CTNS: variants seen among roughly 807,000 people sequenced by gnomAD.
CTNS encodes cystinosin, lysosomal cystine transporter.
In CTNS, 27 loss-of-function variants were observed where a neutral mutation model predicts 43.7. That is an observed-to-expected ratio of 0.62 (90% CI 0.46 to 0.85). CTNS has a LOEUF of 0.85. CTNS is among the 40% of genes least tolerant of loss of function. The probability of loss-of-function intolerance (pLI) is 0.00; values close to 1 mark genes in which losing one functional copy is unlikely to be tolerated. For missense variants in CTNS, 457 were observed against 475.4 expected (o/e 0.96, Z 0.36); for synonymous variants, 187 against 190.6 (o/e 0.98, Z 0.16).
intron 4 of CTNS, chr17:3,647,726 T>C (rs748391022): frequency 4.9e-6 from 3 of 615,802 alleles, no homozygotes; most frequent in Non-Finnish European, 8.7e-6. Flanking sequence ...GAGTCCTCAC[T>C]TTCCCTGGCA....
intron 2 of CTNS, among the ~76,000 whole-genome samples, chr17:3,638,776 C>T (rs367941811): frequency 9.9e-5 from 15 of 152,096 alleles, no homozygotes; most frequent in Non-Finnish European, 1.6e-4. Context: ...GTGTGAGGAG[C>T]GGAGGGCAGC....
In CTNS at chr17:3,662,977, A is replaced by G. The variant is rs938271413; in HGVS notation, c.*2608A>G. The G allele has an allele frequency of 1.3e-5, 2 of 152,212 alleles. No individual in the cohort carries two copies. Among genetic ancestry groups the G allele is most frequent in the African/African-American group, 4.8e-5 (2 of 41,448 alleles). 9.4% of individuals were successfully genotyped at this position (152,212 alleles called of 1,614,324 possible). A position where few individuals can be genotyped will look rare whatever the true frequency, so the allele number is the denominator to read the frequency against. Reference sequence around the variant, plus strand: ...ACGGTAACCAAAGTAAGGCTTGTGCACTTGCTGAGCTTCCAGATGCGAATT... The same window carrying G: ...ACGGTAACCAAAGTAAGGCTTGTGCGCTTGCTGAGCTTCCAGATGCGAATT... On this transcript the variant is annotated 3_prime_UTR_variant, in exon 12 of 12. Transcript: ENST00000046640.
At chr17:3,646,992 C>CT (rs781211174) in intron 3 of CTNS, among the ~76,000 whole-genome samples, 8 of 152,210 alleles carry the variant, frequency 5.3e-5, no homozygotes, top group Non-Finnish European at 8.8e-5. Context: ...ATGTGTCTCT[C>CT]TGAGAGTGCA....
At chr17:3,646,085 TAG>T (rs1396664529) in intron 3 of CTNS, among the ~76,000 whole-genome samples, 4 of 151,944 alleles carry the variant, frequency 2.6e-5, no homozygotes, top group African/African-American at 9.7e-5. Flanking sequence ...CCGCCCGGCC[TAG>T]AGTCATGACC....
chr17:3,643,043 G>A (rs2075757231), intron 3 of CTNS, among the ~76,000 whole-genome samples: 1 of 151,932 alleles, frequency 6.6e-6, no homozygotes, highest in Non-Finnish European at 1.5e-5. Flanking sequence ...GGCCTGGCGC[G>A]TTGGCTCACG....
Position 3,655,050 on chromosome 17 carries a change from A to G in CTNS, c.278A>G (p.Asn93Ser), listed in dbSNP as rs779540615. The change falls in exon 6 of 12, where the codon AAT (asparagine) becomes AGT (serine). Residue 93 changes from asparagine (N) to serine (S), a missense_variant. By Grantham distance (46) the Asn-to-Ser change is conservative. Transcript: ENST00000046640. ...TCCTCTTTTCAAGTGACATCTCAAA[A>G]TGTTGGACAACTTACTGTTTATCTA... ...TNSSFQVTSQ[N>S]VGQLTVYLHG... 1.5e-5 allele frequency: 25 copies of G among 1,614,050 alleles called. No individual in the cohort carries two copies. The highest frequency in any genetic ancestry group is 6.7e-5 in the Admixed American group (4 of 60,000).
chr17:3,655,530 G>A (rs2076108735), intron 7 of CTNS, 178 bp downstream of exon 7: 1 of 893,804 alleles, frequency 1.1e-6, no homozygotes. Flanking sequence ...CCCGTGCTGG[G>A]CGTTTCATCC....
At chr17:3,657,022 G>A (rs977986376) in intron 9 of CTNS, 6 of 621,136 alleles carry the variant, frequency 9.7e-6, no homozygotes, top group East Asian at 3.1e-5. Flanking sequence ...GCTGAGAGCC[G>A]TGCACAGAGG....
intron 4 of CTNS, among the ~76,000 whole-genome samples, chr17:3,648,449 C>T (rs998269894): frequency 2.6e-5 from 4 of 152,358 alleles, no homozygotes; most frequent in African/African-American, 7.2e-5. Flanking sequence ...CAAGTCCGGA[C>T]TGCTCCCTCC....
chr17:3,660,944 C>T lies in CTNS; in HGVS notation c.*575C>T, dbSNP rs1041444937. ...GTCCGTGACTGCAGTAACAGCCAGC[C>T]CTACCCAGAGTATTTCTGAGCCATG... On this transcript the variant is annotated 3_prime_UTR_variant, in exon 12 of 12. Transcript: ENST00000046640. 41 of 703,338 alleles carry T rather than the reference C, an allele frequency of 5.8e-5. No individual in the cohort carries two copies. The African/African-American group carries it at 7.1e-4, about 12-fold the overall frequency. The allele number at this position is 703,338 out of a possible 1,614,324, so 43.6% of individuals were successfully genotyped here.
chr17:3,648,408 CT>C (rs1344440220), intron 4 of CTNS, among the ~76,000 whole-genome samples: 1 of 152,258 alleles, frequency 6.6e-6, no homozygotes, highest in Non-Finnish European at 1.5e-5. Context: ...GCACATCTGC[CT>C]TCTCCCGTCA....
rs535395728 is a variant in CTNS at position 3,657,934 on chromosome 17, G to A, written c.682-71G>A. 1,180 of 1,577,896 alleles carry A rather than the reference G, an allele frequency of 7.5e-4. 2 individuals carry two copies. Among genetic ancestry groups the A allele is most frequent in the Non-Finnish European group, 9.4e-4 (1,094 of 1,161,368 alleles). ...GCCCCTCTCTAAGCCCGCCCTATCC[G>A]GGGCCGTCCTTGCTCAGCCCCGGCG... On this transcript the variant is annotated intron_variant, in intron 9 of 11. Coordinates refer to ENST00000046640, the MANE Select transcript of CTNS (RefSeq NM_004937.3).
At position 3,655,266 on chromosome 17, in the gene CTNS, C is replaced by A. The variant is rs1277785045; in HGVS notation, c.375C>A (p.Ile125=). ...FLVIRSSAIS[I]INQVIGWIYF... is the part of the protein sequence containing the mutation. ...TGATCCGCAGCAGCGCCATTAGCAT[C>A]ATAAACCAGGTGATTGGCTGGATCT... Residue 125 remains isoleucine (I), a synonymous_variant, in exon 7 of 12, where the codon ATC becomes ATA. Coordinates refer to ENST00000046640, the MANE Select transcript of CTNS (RefSeq NM_004937.3). The A allele has an allele frequency of 6.2e-7, 1 of 1,614,110 alleles. No individual in the cohort carries two copies. The highest frequency in any genetic ancestry group is 1.3e-5 in the African/African-American group (1 of 74,950).
In CTNS at chr17:3,660,278, T is replaced by C; in HGVS notation, c.1013T>C (p.Leu338Pro). Residue 338 changes from leucine (L) to proline (P), a missense_variant, in exon 12 of 12, where the codon CTC (leucine) becomes CCC (proline). Physicochemically the swap from Leu to Pro is moderately conservative, Grantham distance 98. Transcript: ENST00000046640. ...LIFGDPTKFG[L>P]GVFSIVFDVV... ...TTCGGAGACCCAACCAAGTTTGGAC[T>C]CGGGGTCTTCTCCATCGTCTTCGAC... 1 of 1,614,244 alleles carries C rather than the reference T, an allele frequency of 6.2e-7. No homozygotes were observed. The highest frequency in any genetic ancestry group is 1.7e-4 in the Middle Eastern group (1 of 6,060).
chr17:3,654,424 A>G (rs2076070492), intron 5 of CTNS, among the ~76,000 whole-genome samples: 1 of 152,154 alleles, frequency 6.6e-6, no homozygotes, highest in Non-Finnish European at 1.5e-5. Flanking sequence ...CTGTAATCCC[A>G]GCACTTTGGG....
At chr17:3,641,359 C>CAT (rs1234064483) in intron 3 of CTNS, among the ~76,000 whole-genome samples, 40 of 21,118 alleles carry the variant, frequency 1.9e-3, no homozygotes, top group South Asian at 4.7e-3. Flanking sequence ...AAATCAGATA[C>CAT]ATATATATAT....
rs1160680508 is a variant in CTNS, at chr17:3,662,487, G to A, written c.*2118G>A. ...AACACGTGGGGTTGTGTCCCTCGCTGGGATACACGGAGTGCCCTTATAGGC... is the reference window on the plus strand; with the variant it reads ...AACACGTGGGGTTGTGTCCCTCGCTAGGATACACGGAGTGCCCTTATAGGC... On this transcript the variant is annotated 3_prime_UTR_variant, in exon 12 of 12. Transcript: ENST00000046640. Among the ~76,000 whole-genome samples the A allele has an allele frequency of 6.6e-6, 1 of 152,114 alleles. No individual in the cohort carries two copies. Among genetic ancestry groups the A allele is most frequent in the Non-Finnish European group, 1.5e-5 (1 of 68,012 alleles).
chr17:3,639,796 A>G (rs1406459752), intron 2 of CTNS, among the ~76,000 whole-genome samples: 2 of 152,148 alleles, frequency 1.3e-5, no homozygotes, highest in Admixed American at 1.3e-4. Context: ...CTTGAGGTTT[A>G]TAGGTTCACA....
chr17:3,640,572 G>A (rs1040426811), intron 3 of CTNS, among the ~76,000 whole-genome samples: 3 of 152,218 alleles, frequency 2.0e-5, no homozygotes, highest in Admixed American at 6.5e-5. Flanking sequence ...AAAGTCAAAC[G>A]GTAGAGCTCC....
Sources: allele counts gnomAD v4.1 joint callset (sites outside exome capture counted in the v4.1 genomes callset), GRCh38; gene constraint gnomAD v4.1.1; transcripts MANE v1.5; gene names NCBI Gene and HGNC (gene_info 2026-07-23, HGNC 2026-07-21).